The following ADAMTS3 variants were observed in gnomAD, a reference collection of about 807,000 sequenced individuals.
ADAMTS3 encodes ADAM metallopeptidase with thrombospondin type 1 motif 3.
ADAMTS3 carries 73 observed loss-of-function variants against 129.0 expected under a neutral mutation model. The ratio of observed to expected loss-of-function variants is 0.57; its 90% CI spans 0.47 to 0.69. ADAMTS3 has a LOEUF of 0.69. Among genes scored for constraint, ADAMTS3 ranks in the 30% least tolerant of loss-of-function variants. The probability of loss-of-function intolerance (pLI) is 0.00; values close to 1 mark genes in which losing one functional copy is unlikely to be tolerated. For synonymous variants in ADAMTS3, 477 were observed against 510.8 expected (o/e 0.93, Z 0.89); for missense variants, 1,457 against 1,514.5 (o/e 0.96, Z 0.63).
In ADAMTS3 at chr4:72,569,069, G is replaced by A. The variant is rs1722097385; in HGVS notation, c.-307C>T. On this transcript the variant is annotated 5_prime_UTR_variant, in exon 1 of 22. Coordinates refer to ENST00000286657, the MANE Select transcript of ADAMTS3 (RefSeq NM_014243.3). ...CTGGGAGAGGGGGAAGGGACGAGGG[G>A]CTTTCCAACTATCTCTGCCCAAAGC... The A allele has an allele frequency of 2.3e-6, 1 of 439,858 alleles. No individual in the cohort carries two copies. Among genetic ancestry groups the A allele is most frequent in the Non-Finnish European group, 4.1e-6 (1 of 245,846 alleles). The allele number at this position is 439,858 out of a possible 1,614,324, so 27.2% of individuals were successfully genotyped here. A position where few individuals can be genotyped will look rare whatever the true frequency, so the allele number is the denominator to read the frequency against.
At chr4:72,460,024 G>A (rs1560524316) in intron 3 of ADAMTS3, among the ~76,000 whole-genome samples, 2 of 151,512 alleles carry the variant, frequency 1.3e-5, no homozygotes. Context: ...AAATGTTTCA[G>A]ATTTTGGAAC....
intron 3 of ADAMTS3, among the ~76,000 whole-genome samples, chr4:72,496,948 G>A (rs2110019846): frequency 6.6e-6 from 1 of 151,944 alleles, no homozygotes; most frequent in Non-Finnish European, 1.5e-5. Flanking sequence ...AAATTTAAAG[G>A]AACTTCTTCT....
intron 3 of ADAMTS3, among the ~76,000 whole-genome samples, chr4:72,531,614 G>A (rs1019590804): frequency 1.3e-5 from 2 of 152,164 alleles, no homozygotes; most frequent in African/African-American, 2.4e-5. Flanking sequence ...TCAGGCTGTT[G>A]AAGCGCAGGA....
chr4:72,550,585 A>T (rs1313709422), intron 2 of ADAMTS3, among the ~76,000 whole-genome samples: 1 of 152,192 alleles, frequency 6.6e-6, no homozygotes, highest in South Asian at 2.1e-4. Flanking sequence ...GTATGAGTCA[A>T]GTGAAGCCTG....
chr4:72,526,719 A>G (rs1325628515), intron 3 of ADAMTS3, among the ~76,000 whole-genome samples: 4 of 130,248 alleles, frequency 3.1e-5, no homozygotes, highest in African/African-American at 1.1e-4. Context: ...AGAGACAGAA[A>G]AAATATATAC....
intron 3 of ADAMTS3, among the ~76,000 whole-genome samples, chr4:72,454,362 T>C (rs999165884): frequency 1.3e-5 from 2 of 151,586 alleles, no homozygotes; most frequent in South Asian, 2.1e-4. Context: ...AATTAGAAAA[T>C]ATAATAATTT....
At chr4:72,422,370 A>C (rs1471085869) in intron 3 of ADAMTS3, among the ~76,000 whole-genome samples, 1 of 152,280 alleles carries the variant, frequency 6.6e-6, no homozygotes, top group East Asian at 1.9e-4. Flanking sequence ...CAGAGATTCT[A>C]ATCTCTGCAA....
chr4:72,445,099 A>G lies in ADAMTS3; in HGVS notation c.505-30128T>C, dbSNP rs1718217133. ...AATGGGCACGTGGTTTATTTTTGAG[A>G]TAATGAAAATGCTTTAAAATTGATT... On this transcript the variant is annotated intron_variant, in intron 3 of 21. Transcript: ENST00000286657. Among the ~76,000 whole-genome samples, 3 of 151,640 alleles carry G rather than the reference A, an allele frequency of 2.0e-5. No homozygotes were observed. The South Asian group carries it at 6.2e-4, about 31-fold the overall frequency.
chr4:72,429,299 G>C (rs1353902234), intron 3 of ADAMTS3, among the ~76,000 whole-genome samples: 1 of 151,972 alleles, frequency 6.6e-6, no homozygotes, highest in Non-Finnish European at 1.5e-5. Context: ...TAAAGATATA[G>C]TAAGTCCTAT....
At chr4:72,319,019 G>A (rs950310013) in intron 9 of ADAMTS3, among the ~76,000 whole-genome samples, 4 of 152,076 alleles carry the variant, frequency 2.6e-5, no homozygotes, top group African/African-American at 9.7e-5. Context: ...AGCACAGCTC[G>A]TATCATATGC....
Position 72,318,571 on chromosome 4 carries a change from C to A in ADAMTS3, c.1485+1G>T. 1 of 1,613,296 alleles carries A rather than the reference C, an allele frequency of 6.2e-7. No individual in the cohort carries two copies. Among genetic ancestry groups the A allele is most frequent in the Non-Finnish European group, 8.5e-7 (1 of 1,179,678 alleles). Reference sequence around the variant, plus strand: ...ATCTACATCAACTGTGAGCAACATACCGCGGTGCACATTTTATAGCCAACA... The same window carrying A: ...ATCTACATCAACTGTGAGCAACATAACGCGGTGCACATTTTATAGCCAACA... On this transcript the variant is annotated splice_donor_variant, in intron 10 of 21. Coordinates refer to ENST00000286657, the MANE Select transcript of ADAMTS3 (RefSeq NM_014243.3). LOFTEE classifies it high-confidence loss of function.
At chr4:72,556,781 AG>A (rs2109800164) in intron 2 of ADAMTS3, among the ~76,000 whole-genome samples, 1 of 151,952 alleles carries the variant, frequency 6.6e-6, no homozygotes, top group African/African-American at 2.4e-5. Flanking sequence ...AAGTATACAA[AG>A]GACTTGGTCC....
At chr4:72,546,657 AT>A (rs1488729261) in intron 3 of ADAMTS3, among the ~76,000 whole-genome samples, 1 of 152,188 alleles carries the variant, frequency 6.6e-6, no homozygotes, top group Non-Finnish European at 1.5e-5. Flanking sequence ...ATTTCTTTAG[AT>A]TATGAAACAC....
At chr4:72,358,937 C>A (rs1720650237) in intron 4 of ADAMTS3, among the ~76,000 whole-genome samples, 1 of 151,686 alleles carries the variant, frequency 6.6e-6, no homozygotes, top group Non-Finnish European at 1.5e-5. Context: ...CTTACCTAGG[C>A]TGAGTGAAAG....
At chr4:72,342,173 T>C (rs1312963983) in intron 4 of ADAMTS3, among the ~76,000 whole-genome samples, 3 of 152,140 alleles carry the variant, frequency 2.0e-5, no homozygotes, top group Non-Finnish European at 4.4e-5. Flanking sequence ...GAGTTTATTT[T>C]ATAGTTTAAC....
chr4:72,379,354 C>A (rs756458502), intron 4 of ADAMTS3, among the ~76,000 whole-genome samples: 1 of 151,426 alleles, frequency 6.6e-6, no homozygotes, highest in Non-Finnish European at 1.5e-5. Context: ...AGACACATCT[C>A]TTCTTGCATC....
At chr4:72,533,710 C>T (rs1721114520) in intron 3 of ADAMTS3, among the ~76,000 whole-genome samples, 1 of 56,936 alleles carries the variant, frequency 1.8e-5, no homozygotes, top group African/African-American at 7.4e-5. Flanking sequence ...TTTCTTTACA[C>T]TGGTTATTTC....
intron 3 of ADAMTS3, among the ~76,000 whole-genome samples, chr4:72,435,325 C>G (rs150864936): frequency 5.3e-5 from 8 of 151,566 alleles, no homozygotes; most frequent in African/African-American, 1.7e-4. Flanking sequence ...ATTTTTAGGG[C>G]TACAAATAAA....
chr4:72,321,660 T>C (rs989335573), intron 6 of ADAMTS3, among the ~76,000 whole-genome samples: 6 of 152,156 alleles, frequency 3.9e-5, no homozygotes, highest in Admixed American at 2.0e-4. Context: ...TTTTTTACGA[T>C]CCAGAATTAA....
Sources: gnomAD v4.1 joint callset for allele counts (sites outside exome capture counted in the v4.1 genomes callset) on GRCh38, gnomAD v4.1.1 for gene constraint, MANE v1.5 for transcripts, NCBI Gene and HGNC (gene_info 2026-07-23, HGNC 2026-07-21) for gene names.